PLS3: variants seen among roughly 807,000 people sequenced by gnomAD.
PLS3 encodes plastin 3, also known as plastin-3.
PLS3 carries 11 observed loss-of-function variants against 46.5 expected under a neutral mutation model. That is an observed-to-expected ratio of 0.24 (90% CI 0.15 to 0.39). The LOEUF (loss-of-function observed/expected upper bound fraction) is 0.39. PLS3 is among the 10% of genes least tolerant of loss of function. The pLI is 1.00. For missense variants in PLS3, 308 were observed against 461.8 expected, an observed-to-expected ratio of 0.67 and a Z score of 3.05; for synonymous variants, 167 against 162.2, an observed-to-expected ratio of 1.03 and a Z score of -0.22.
At chrX:115,600,404 G>A (rs1556634413) in intron 1 of PLS3, among the ~76,000 whole-genome samples, 1 of 110,822 alleles carries the variant, frequency 9.0e-6, no homozygotes, top group East Asian at 2.8e-4. Flanking sequence ...TGGGATTATA[G>A]GCATGAGCCA....
At chrX:115,570,727 C>T (rs1012304119) in intron 1 of PLS3, among the ~76,000 whole-genome samples, 5 of 108,163 alleles carry the variant, frequency 4.6e-5, no homozygotes, top group Admixed American at 4.0e-4. Context: ...GTTGCCCAGG[C>T]TGGCAAGATT....
intron 2 of PLS3, among the ~76,000 whole-genome samples, chrX:115,611,287 C>T (rs1002742853): frequency 6.2e-5 from 7 of 112,877 alleles, no homozygotes; most frequent in African/African-American, 2.2e-4. Context: ...ATTCATAATC[C>T]CATCAAAATT....
At chrX:115,568,625 G>A (rs1174625452) in intron 1 of PLS3, among the ~76,000 whole-genome samples, 2 of 111,904 alleles carry the variant, frequency 1.8e-5, no homozygotes, top group East Asian at 5.6e-4. Context: ...ACATCATTTT[G>A]CACTCTATCA....
chrX:115,576,584 T>C lies in PLS3; in HGVS notation c.-9+15324T>C, dbSNP rs1187746950. The stretch of plus-strand genomic sequence containing the variant: ...ATAATATCCTGCAATTTCAGATTAT[T>C]CTTTTAAGCACCCTTGACCCCAGAT... On this transcript the variant is annotated intron_variant, in intron 1 of 15. Transcript: ENST00000355899. 5.4e-5 allele frequency among the ~76,000 whole-genome samples: 6 copies of C among 111,620 alleles called. No homozygotes were observed. The Admixed American group carries it at 5.8e-4, about 11-fold the overall frequency.
Position 115,637,099 on chromosome X carries a change from A to G in PLS3, c.891+121A>G, listed in dbSNP as rs968762565. 4.8e-5 allele frequency: 33 copies of G among 681,254 alleles called. No homozygotes were observed. The Admixed American group carries it at 9.9e-4, about 20-fold the overall frequency. The allele number at this position is 681,254 out of a possible 1,213,427, so 56.1% of individuals were successfully genotyped here. ...CAAGCCTTGTTGTCTCTTGGCCCTG[A>G]AGGTAGATTTTAGAAGAGTAATAGA... On this transcript the variant is annotated intron_variant, in intron 8 of 15. Transcript: ENST00000355899.
At position 115,561,210 on chromosome X, in the gene PLS3, A is replaced by C. The variant is rs1193154390; in HGVS notation, c.-59A>C. ...GATTCCGAGGTGCAGAAGTTGTCTG[A>C]GTGGGTTGGTCGGCGGCAGTCGGGC... On this transcript the variant is annotated 5_prime_UTR_variant, in exon 1 of 16. Transcript: ENST00000355899. The C allele has an allele frequency of 8.9e-6, 1 of 112,156 alleles. No homozygotes were observed. Among genetic ancestry groups the C allele is most frequent in the Non-Finnish European group, 1.9e-5 (1 of 53,245 alleles). The allele number at this position is 112,156 out of a possible 1,213,427, so 9.2% of individuals were successfully genotyped here. A position where few individuals can be genotyped will look rare whatever the true frequency, so the allele number is the denominator to read the frequency against.
At chrX:115,642,162 A>C (rs2074904877) in intron 9 of PLS3, among the ~76,000 whole-genome samples, 1 of 107,375 alleles carries the variant, frequency 9.3e-6, no homozygotes, top group Non-Finnish European at 1.9e-5. Flanking sequence ...TACAGGCGTG[A>C]GCCACCACGT....
chrX:115,610,487 CTT>C (rs368406135), intron 2 of PLS3, among the ~76,000 whole-genome samples, 164 bp downstream of exon 2: 16 of 94,028 alleles, frequency 1.7e-4, no homozygotes, highest in Admixed American at 1.2e-4. Flanking sequence ...TGTTTTATTT[CTT>C]TTTTTTTTTT....
intron 3 of PLS3, among the ~76,000 whole-genome samples, chrX:115,626,352 T>C (rs1330647175): frequency 1.4e-4 from 15 of 108,677 alleles, no homozygotes; most frequent in Admixed American, 9.9e-5. Context: ...TGGCGTGATC[T>C]CGGCTCACTG....
At chrX:115,578,698 A>C (rs1255376204) in intron 1 of PLS3, among the ~76,000 whole-genome samples, 1 of 109,110 alleles carries the variant, frequency 9.2e-6, no homozygotes, top group Non-Finnish European at 1.9e-5. Context: ...GCACAAAAAA[A>C]AAAAAAAAAA....
intron 1 of PLS3, among the ~76,000 whole-genome samples, chrX:115,569,101 A>G (rs2074196987): frequency 9.0e-6 from 1 of 110,749 alleles, no homozygotes; most frequent in Non-Finnish European, 1.9e-5. Context: ...GTATTGTATC[A>G]TATGTGACTC....
At chrX:115,582,602 T>G (rs782644654) in intron 1 of PLS3, among the ~76,000 whole-genome samples, 1 of 112,416 alleles carries the variant, frequency 8.9e-6, no homozygotes, top group South Asian at 3.7e-4. Flanking sequence ...CCATGGTATT[T>G]TGCAGCCAAT....
chrX:115,568,510 T>C (rs1267903805), intron 1 of PLS3, among the ~76,000 whole-genome samples: 1 of 112,240 alleles, frequency 8.9e-6, no homozygotes, highest in Non-Finnish European at 1.9e-5. Context: ...CACTGCAGTA[T>C]ATTTTATATA....
In PLS3 at chrX:115,629,902, T is replaced by C. The variant is rs782722546; in HGVS notation, c.435T>C (p.His145=). 8.6e-7 allele frequency: 1 copy of C among 1,167,299 alleles called. No individual in the cohort carries two copies. The highest frequency in any genetic ancestry group is 1.8e-5 in the South Asian group (1 of 54,870). The change falls in exon 5 of 16, where the codon CAT becomes CAC. Residue 145 remains histidine, a synonymous_variant. Coordinates refer to ENST00000355899, the MANE Select transcript of PLS3 (RefSeq NM_005032.7). The stretch of plus-strand genomic sequence containing the variant: ...TGGAAAATGATCCTGATTGTAGACA[T>C]GTTATACCAATGAACCCTAACACCG... ...KALENDPDCR[H]VIPMNPNTDD...
At chrX:115,562,136 C>T (rs1469881293) in intron 1 of PLS3, among the ~76,000 whole-genome samples, 1 of 110,563 alleles carries the variant, frequency 9.0e-6, no homozygotes, top group African/African-American at 3.3e-5. Context: ...TAGTCTACCC[C>T]CCCGCCCTTT....
At chrX:115,642,708 CAAAAT>C (rs1556641166) in intron 9 of PLS3, among the ~76,000 whole-genome samples, 1 of 111,035 alleles carries the variant, frequency 9.0e-6, no homozygotes. Flanking sequence ...AGTAAATCAG[CAAAAT>C]AAAATAAAAT....
chrX:115,618,335 T>A (rs782148530), intron 2 of PLS3, among the ~76,000 whole-genome samples: 1 of 112,036 alleles, frequency 8.9e-6, no homozygotes, highest in East Asian at 2.8e-4. Context: ...CCCAACACTT[T>A]GGGAGGCCAA....
At chrX:115,582,261 T>C (rs192704817) in intron 1 of PLS3, among the ~76,000 whole-genome samples, 1 of 112,080 alleles carries the variant, frequency 8.9e-6, no homozygotes, top group East Asian at 2.8e-4. Flanking sequence ...TGGTTACTCA[T>C]GCATAGGTGA....
chrX:115,573,108 AAAG>A (rs1556630866), intron 1 of PLS3, among the ~76,000 whole-genome samples: 1 of 108,444 alleles, frequency 9.2e-6, no homozygotes, highest in African/African-American at 3.4e-5. Context: ...AAAAAAAAAA[AAAG>A]AAAAAAGAAA....
Sources: gnomAD v4.1 joint callset for allele counts (sites outside exome capture counted in the v4.1 genomes callset) on GRCh38, gnomAD v4.1.1 for gene constraint, MANE v1.5 for transcripts, NCBI Gene and HGNC (gene_info 2026-07-23, HGNC 2026-07-21) for gene names.